Variants in SYTL5 observed in about 807,000 individuals in gnomAD.
SYTL5 encodes the protein synaptotagmin-like protein 5.
A neutral mutation model predicts 55.9 loss-of-function variants in SYTL5; 34 were observed. The observed-to-expected ratio is 0.61, with a 90% confidence interval of 0.46 to 0.81. SYTL5 has a LOEUF of 0.81. Ranked by LOEUF, SYTL5 falls within the 30% of genes least tolerant of loss-of-function variation. The probability of loss-of-function intolerance (pLI) is 0.00; values close to 1 mark genes in which losing one functional copy is unlikely to be tolerated. For missense variants in SYTL5, 637 were observed against 546.7 expected (o/e 1.17, Z -1.65); for synonymous variants, 221 against 188.7 (o/e 1.17, Z -1.40).
intron 6 of SYTL5, among the ~76,000 whole-genome samples, chrX:38,086,813 C>G (rs750401671): frequency 9.0e-6 from 1 of 111,597 alleles, no homozygotes; most frequent in Admixed American, 9.6e-5. Flanking sequence ...TAGACTAAAC[C>G]TTTTTTGAGT....
intron 13 of SYTL5, among the ~76,000 whole-genome samples, chrX:38,115,281 G>A (rs1266666527): frequency 2.0e-5 from 2 of 101,959 alleles, no homozygotes; most frequent in African/African-American, 7.8e-5. Flanking sequence ...TCAGGAGATC[G>A]AGACCATCCT....
At chrX:38,030,722 G>C (rs749299268) in intron 1 of SYTL5, among the ~76,000 whole-genome samples, 6 of 112,213 alleles carry the variant, frequency 5.3e-5, no homozygotes, top group Admixed American at 2.8e-4. Flanking sequence ...CTGGGCCACC[G>C]TTGTAAAATG....
the SYTL5 span, among the ~76,000 whole-genome samples, chrX:37,955,965 A>G: frequency 8.9e-6 from 1 of 111,861 alleles, no homozygotes; most frequent in Non-Finnish European, 1.9e-5. Flanking sequence ...GAACACACCC[A>G]TATACAAACA....
intron 6 of SYTL5, among the ~76,000 whole-genome samples, chrX:38,081,132 T>TGTGCCTTTCCC: frequency 8.9e-6 from 1 of 112,181 alleles, no homozygotes; most frequent in African/African-American, 3.2e-5. Context: ...ACCTCTTTCC[T>TGTGCCTTTCCC]GTGCCTTTCC....
At chrX:37,978,493 A>G in the SYTL5 span, among the ~76,000 whole-genome samples, 1 of 112,417 alleles carries the variant, frequency 8.9e-6, no homozygotes, top group Non-Finnish European at 1.9e-5. Context: ...ATGTGATCAC[A>G]TAACCTGGTC....
At chrX:37,892,227 T>C in the SYTL5 span, among the ~76,000 whole-genome samples, 4 of 110,180 alleles carry the variant, frequency 3.6e-5, no homozygotes, top group Non-Finnish European at 5.7e-5. Flanking sequence ...TCTGGCTAGA[T>C]AGATAACAGT....
chrX:37,930,767 T>A, the SYTL5 span, among the ~76,000 whole-genome samples: 1 of 112,258 alleles, frequency 8.9e-6, no homozygotes, highest in Non-Finnish European at 1.9e-5. Context: ...AGGGTTTGCA[T>A]CAGTTATCTC....
At chrX:38,015,357 C>A (rs944063000) in intron 1 of SYTL5, among the ~76,000 whole-genome samples, 6 of 112,384 alleles carry the variant, frequency 5.3e-5, no homozygotes, top group African/African-American at 1.9e-4. Flanking sequence ...AAGGAATCTT[C>A]CAGGAATTTT....
At chrX:38,046,103 G>T (rs748312351) in intron 2 of SYTL5, among the ~76,000 whole-genome samples, 1 of 111,476 alleles carries the variant, frequency 9.0e-6, no homozygotes, top group East Asian at 2.8e-4. Context: ...GCAGATTTTG[G>T]AATGTAAAAT....
chrX:38,122,669 G>A (rs1315998523), intron 15 of SYTL5, among the ~76,000 whole-genome samples: 3 of 111,759 alleles, frequency 2.7e-5, no homozygotes, highest in African/African-American at 9.8e-5. Context: ...ATTCACTGTC[G>A]AGTGCTTTGG....
At chrX:37,998,709 G>T in the SYTL5 span, among the ~76,000 whole-genome samples, 1 of 111,908 alleles carries the variant, frequency 8.9e-6, no homozygotes, top group Non-Finnish European at 1.9e-5. Context: ...GCAGGACCGA[G>T]CACAACTCAG....
intron 1 of SYTL5, among the ~76,000 whole-genome samples, chrX:38,015,075 G>A (rs1383684181): frequency 1.8e-5 from 2 of 112,201 alleles, no homozygotes; most frequent in African/African-American, 3.2e-5. Flanking sequence ...GTTCATATAT[G>A]TAAATCAAGA....
chrX:38,125,364 C>A lies in SYTL5; in HGVS notation c.1908C>A (p.Asn636Lys), dbSNP rs974681594. ...HKTLVIKKSV[N>K]PQWNHTFMFS... ...CTCTGGTAATAAAAAAGAGTGTTAACCCTCAGTGGAATCATACATTCATGT... is the reference window on the plus strand; with the variant it reads ...CTCTGGTAATAAAAAAGAGTGTTAAACCTCAGTGGAATCATACATTCATGT... Residue 636 changes from asparagine to lysine, a missense_variant, in exon 16 of 17, where the codon AAC (asparagine) becomes AAA (lysine). Physicochemically the swap from Asn to Lys is moderately conservative, Grantham distance 94. Transcript: ENST00000297875. 2.6e-5 allele frequency: 32 copies of A among 1,210,004 alleles called. No homozygotes were observed. Among genetic ancestry groups the A allele is most frequent in the Middle Eastern group, 2.3e-4 (1 of 4,375 alleles).
the SYTL5 span, among the ~76,000 whole-genome samples, chrX:37,983,605 C>A: frequency 2.7e-5 from 3 of 111,803 alleles, no homozygotes; most frequent in African/African-American, 6.5e-5. Context: ...AGAACATAAA[C>A]AATAAAGAGG....
rs150179408 is a variant in SYTL5, at chrX:38,007,416, G to A, written c.-357+748G>A. Among the ~76,000 whole-genome samples, 327 of 111,229 alleles carry A rather than the reference G, an allele frequency of 2.9e-3. 2 individuals are homozygous for A. The highest frequency in any genetic ancestry group is 0.01 in the African/African-American group (309 of 30,743). On this transcript the variant is annotated intron_variant, in intron 1 of 16. Transcript: ENST00000297875. ...TGTCTTCCTCATTTAAATGAAAAAC[G>A]TAATTTTACAACTATTAATATATAA...
the SYTL5 span, among the ~76,000 whole-genome samples, chrX:37,989,081 C>T: frequency 8.9e-6 from 1 of 112,033 alleles, no homozygotes; most frequent in East Asian, 2.8e-4. Flanking sequence ...CAAAATCATC[C>T]TCCAGAGATA....
the SYTL5 span, among the ~76,000 whole-genome samples, chrX:37,954,925 C>A: frequency 9.0e-6 from 1 of 110,862 alleles, no homozygotes; most frequent in Admixed American, 9.6e-5. Context: ...AAAATATTAT[C>A]AAAAATAGAA....
At chrX:38,046,586 G>C (rs1935468756) in intron 2 of SYTL5, among the ~76,000 whole-genome samples, 1 of 111,744 alleles carries the variant, frequency 8.9e-6, no homozygotes, top group East Asian at 2.8e-4. Flanking sequence ...GATGAAACTT[G>C]GGTGGGGACA....
chrX:37,974,509 TG>T, the SYTL5 span, among the ~76,000 whole-genome samples: 1 of 111,962 alleles, frequency 8.9e-6, no homozygotes. Flanking sequence ...GTAGTAGTGA[TG>T]GTTGTACAAT....
Sources: gnomAD v4.1 joint callset for allele counts (sites outside exome capture counted in the v4.1 genomes callset) on GRCh38, gnomAD v4.1.1 for gene constraint, MANE v1.5 for transcripts, NCBI Gene and HGNC (gene_info 2026-07-23, HGNC 2026-07-21) for gene names.